The following USP34 variants were observed in gnomAD, a reference collection of about 807,000 sequenced individuals.
USP34 encodes ubiquitin carboxyl-terminal hydrolase 34.
USP34 carries 70 observed loss-of-function variants against 460.3 expected under a neutral mutation model. That is an observed-to-expected ratio of 0.15 (90% confidence interval 0.13 to 0.19). The LOEUF (loss-of-function observed/expected upper bound fraction) is 0.19. Among genes scored for constraint, USP34 ranks in the 10% least tolerant of loss-of-function variants. The pLI, the probability that USP34 is intolerant of heterozygous loss-of-function variation, is 1.00. For missense variants in USP34, 3,985 were observed against 4,236.2 expected, an observed-to-expected ratio of 0.94 and a Z score of 1.65; for synonymous variants, 1,647 against 1,405.3, an observed-to-expected ratio of 1.17 and a Z score of -3.85.
chr2:61,344,452 C>CAT (rs1691701018), intron 15 of USP34, among the ~76,000 whole-genome samples: 5 of 152,130 alleles, frequency 3.3e-5, no homozygotes, highest in African/African-American at 1.2e-4. Context: ...TGGGGAACTT[C>CAT]TAACCAAACA....
Position 61,349,107 on chromosome 2 carries a change from C to T in USP34, c.1543+143G>A, listed in dbSNP as rs999908672. ...TTAAGATTTTAAGAAAAATGGGTAA[C>T]ACGAATATGTTAAAGGTTTACATCT... On this transcript the variant is annotated intron_variant, in intron 13 of 79. Coordinates refer to ENST00000398571, the MANE Select transcript of USP34 (RefSeq NM_014709.4). 4 of 1,083,936 alleles carry T rather than the reference C, an allele frequency of 3.7e-6. No homozygotes were observed. In the African/African-American group the frequency reaches 6.4e-5, roughly 17 times the overall value. 67.1% of individuals were successfully genotyped at this position (1,083,936 alleles called of 1,614,324 possible).
At chr2:61,412,189 C>CAAAAAAAAAAAAAA (rs10581550) in intron 2 of USP34, among the ~76,000 whole-genome samples, 2 of 92,148 alleles carry the variant, frequency 2.2e-5, no homozygotes, top group East Asian at 2.9e-4. Flanking sequence ...AACTCCATCT[C>CAAAAAAAAAAAAAA]AAAAAAAAAA....
At chr2:61,194,639 C>A (rs1435950491) in intron 75 of USP34, among the ~76,000 whole-genome samples, 2 of 152,178 alleles carry the variant, frequency 1.3e-5, no homozygotes, top group Non-Finnish European at 2.9e-5. Flanking sequence ...GCTAAGACTG[C>A]AGGCTGGGAC....
chr2:61,325,396 G>C lies in USP34; in HGVS notation c.2992C>G (p.Leu998Val), dbSNP rs776331949. The change falls in exon 21 of 80, where the codon CTG becomes GTG. Residue 998 changes from leucine to valine, a missense_variant. Coordinates refer to ENST00000398571, the MANE Select transcript of USP34 (RefSeq NM_014709.4). ...TTACTGAAATGATCAGGTGATCCCA[G>C]AGTTGAAAATACACAAGTCAAGAAT... ...LQFLTCVFST[L>V]GSPDHFRLSL... The C allele has an allele frequency of 2.6e-6, 4 of 1,558,418 alleles. No homozygotes were observed. The African/African-American group carries it at 5.6e-5, about 22-fold the overall frequency.
intron 43 of USP34, among the ~76,000 whole-genome samples, chr2:61,264,891 G>A (rs914256733): frequency 1.9e-4 from 29 of 151,898 alleles, no homozygotes; most frequent in African/African-American, 6.0e-4. Flanking sequence ...AATAGCCCAC[G>A]GTAAAAAAGA....
chr2:61,342,830 G>A (rs1441338825), intron 16 of USP34, among the ~76,000 whole-genome samples: 1 of 152,080 alleles, frequency 6.6e-6, no homozygotes, highest in Non-Finnish European at 1.5e-5. Flanking sequence ...CTAACTCCAC[G>A]CAGTAAAAAA....
intron 41 of USP34, 44 bp from the exon 42 acceptor site, chr2:61,266,211 T>A: frequency 6.5e-7 from 1 of 1,538,724 alleles, no homozygotes; most frequent in Non-Finnish European, 8.9e-7. Flanking sequence ...GAGATATTAA[T>A]TACATTCCAA....
At position 61,296,782 on chromosome 2, in the gene USP34, G is replaced by C. The variant is rs969901540; in HGVS notation, c.4254+18C>G. ...TGGTAACAGCCTCTAGGAGAGTAAA[G>C]AGATTTTGTGGGCTCACCTGCTCAT... On this transcript the variant is annotated intron_variant, in intron 30 of 79. Coordinates refer to ENST00000398571, the MANE Select transcript of USP34 (RefSeq NM_014709.4). The C allele has an allele frequency of 1.9e-6, 3 of 1,607,474 alleles. No homozygotes were observed. The highest frequency in any genetic ancestry group is 2.5e-6 in the Non-Finnish European group (3 of 1,177,530).
chr2:61,412,644 T>C (rs534211425), intron 2 of USP34, among the ~76,000 whole-genome samples: 13 of 151,948 alleles, frequency 8.6e-5, no homozygotes, highest in Admixed American at 8.5e-4. Flanking sequence ...ATCCCAGCAC[T>C]TTAGTAGGCT....
intron 34 of USP34, 88 bp from the exon 35 acceptor site, chr2:61,285,045 T>C (rs1052614413): frequency 2.0e-6 from 2 of 994,064 alleles, no homozygotes; most frequent in Non-Finnish European, 1.5e-6. Context: ...ACTAAAGAGA[T>C]GTGTATTACA....
At chr2:61,374,200 G>C (rs112232785) in intron 8 of USP34, among the ~76,000 whole-genome samples, 1 of 150,450 alleles carries the variant, frequency 6.6e-6, no homozygotes, top group Non-Finnish European at 1.5e-5. Flanking sequence ...AGGTTCAGAA[G>C]TGTTTAGATG....
At chr2:61,243,763 C>T (rs1688343197) in intron 51 of USP34, among the ~76,000 whole-genome samples, 1 of 151,070 alleles carries the variant, frequency 6.6e-6, no homozygotes, top group African/African-American at 2.4e-5. Flanking sequence ...CCCAGCTATT[C>T]GGGAGGCCGA....
chr2:61,208,235 T>C (rs1303225168), intron 70 of USP34: 4 of 152,152 alleles, frequency 2.6e-5, no homozygotes, highest in Admixed American at 2.0e-4. Flanking sequence ...GAAAGACTTA[T>C]CAGAAACTCA....
At chr2:61,198,590 G>A (rs1365317731) in intron 75 of USP34, among the ~76,000 whole-genome samples, 2 of 150,430 alleles carry the variant, frequency 1.3e-5, no homozygotes, top group Non-Finnish European at 2.9e-5. Context: ...AGAGAAATAG[G>A]CTGGGTGCAG....
chr2:61,348,629 T>C lies in USP34; in HGVS notation c.1674+127A>G, dbSNP rs1264762697. The stretch of plus-strand genomic sequence containing the variant: ...AAAATGGAATTAAAAACTCAAAGGA[T>C]GTCAAAAATATTACGTAAAGGAGAG... On this transcript the variant is annotated intron_variant, in intron 14 of 79. Transcript: ENST00000398571. The C allele has an allele frequency of 4.2e-6, 6 of 1,438,212 alleles. No individual in the cohort carries two copies. The East Asian group carries it at 7.4e-5, about 18-fold the overall frequency. 89.1% of individuals were successfully genotyped at this position (1,438,212 alleles called of 1,614,324 possible). A position where few individuals can be genotyped will look rare whatever the true frequency, so the allele number is the denominator to read the frequency against.
At chr2:61,361,812 T>G (rs987959474) in intron 10 of USP34, among the ~76,000 whole-genome samples, 2 of 152,048 alleles carry the variant, frequency 1.3e-5, no homozygotes, top group African/African-American at 4.8e-5. Context: ...AAATATACAA[T>G]TGAGATTTCA....
chr2:61,359,406 G>A (rs1692206603), intron 10 of USP34, among the ~76,000 whole-genome samples: 1 of 151,966 alleles, frequency 6.6e-6, no homozygotes, highest in African/African-American at 2.4e-5. Flanking sequence ...AAAGAATAAA[G>A]TTTAATCTTT....
intron 62 of USP34, among the ~76,000 whole-genome samples, chr2:61,226,054 C>A (rs980784164): frequency 6.6e-6 from 1 of 152,274 alleles, no homozygotes; most frequent in Admixed American, 6.5e-5. Context: ...CAGACTCAAA[C>A]TCCTGGCCTC....
chr2:61,314,549 A>G, intron 25 of USP34, 36 bp downstream of exon 25: 2 of 1,396,278 alleles, frequency 1.4e-6, no homozygotes, highest in Non-Finnish European at 1.9e-6. Flanking sequence ...AATAAAAATG[A>G]AATTCATTCT....
Sources: gnomAD v4.1 joint callset for allele counts (sites outside exome capture counted in the v4.1 genomes callset) on GRCh38, gnomAD v4.1.1 for gene constraint, MANE v1.5 for transcripts, NCBI Gene and HGNC (gene_info 2026-07-23, HGNC 2026-07-21) for gene names.